USP9X: variants seen among roughly 807,000 people sequenced by gnomAD.
USP9X encodes the protein ubiquitin carboxyl-terminal hydrolase 9X.
A neutral mutation model predicts 190.3 loss-of-function variants in USP9X; 7 were observed. The ratio of observed to expected loss-of-function variants is 0.04; its 90% CI spans 0.02 to 0.07. The LOEUF is 0.07. Among genes scored for constraint, USP9X ranks in the 10% least tolerant of loss-of-function variants. The probability of loss-of-function intolerance (pLI) is 1.00; values close to 1 mark genes in which losing one functional copy is unlikely to be tolerated. For missense variants in USP9X, 1,010 were observed against 1,916.9 expected (o/e 0.53, Z 8.83); for synonymous variants, 645 against 659.5 (o/e 0.98, Z 0.34).
chrX:41,196,710 A>T lies in USP9X; in HGVS notation c.4205A>T (p.Asn1402Ile). ...CCCAATGCTGAAGTTCTTCTCAATA[A>T]TGAAATTGATTGGCTTAAAAGAATT... ...NVPNAEVLLN[N>I]EIDWLKRIRD... Residue 1402 changes from asparagine (N) to isoleucine (I), a missense_variant, in exon 28 of 45, where the codon AAT becomes ATT. Asn to Ile is a moderately radical substitution (Grantham distance 149). Around this residue, in one of 11 missense-constraint regions of USP9X, gnomAD observed 351 missense variants for 480.8 expected, o/e 0.73. Transcript: ENST00000378308. The T allele has an allele frequency of 8.4e-7, 1 of 1,191,790 alleles. No individual in the cohort carries two copies. Among genetic ancestry groups the T allele is most frequent in the Non-Finnish European group, 1.1e-6 (1 of 883,279 alleles).
At chrX:41,229,998 C>G (rs2063345968) in intron 43 of USP9X, 1 of 518,553 alleles carries the variant, frequency 1.9e-6, no homozygotes, top group Non-Finnish European at 2.9e-6. Flanking sequence ...GTCAGGAGTT[C>G]AAGACCAGCC....
chrX:41,128,952 A>C (rs2062282287), intron 2 of USP9X, 48 bp from the exon 3 acceptor site: 1 of 1,159,100 alleles, frequency 8.6e-7, no homozygotes, highest in Admixed American at 2.4e-5. Context: ...TTACTATTTT[A>C]CATATGTTAT....
At chrX:41,135,698 T>A (rs1466389778) in intron 5 of USP9X, among the ~76,000 whole-genome samples, 1 of 111,964 alleles carries the variant, frequency 8.9e-6, no homozygotes, top group Admixed American at 9.5e-5. Context: ...TGGTGCGATC[T>A]CAGCTCACTG....
rs1396216629 is a variant in USP9X, at chrX:41,232,941, A to AG, written c.*417_*418insG. On this transcript the variant is annotated 3_prime_UTR_variant, in exon 45 of 45. Coordinates refer to ENST00000378308, the MANE Select transcript of USP9X (RefSeq NM_001039591.3). ...AGCTCCTTTACAAAAAAGAAAAAAA[A>AG]AAAACCAACAGCAACAAAACAGAGC... 8.8e-6 allele frequency: 1 copy of AG among 113,128 alleles called. No individual in the cohort carries two copies. The highest frequency in any genetic ancestry group is 3.2e-5 in the African/African-American group (1 of 30,822). The allele number at this position is 113,128 out of a possible 1,213,427, so 9.3% of individuals were successfully genotyped here.
At chrX:41,178,129 GCT>G (rs1266610901) in intron 21 of USP9X, among the ~76,000 whole-genome samples, 1 of 48,528 alleles carries the variant, frequency 2.1e-5, no homozygotes, top group African/African-American at 9.6e-5. Context: ...CGGAGATTTT[GCT>G]CTGTTGCCCA....
intron 1 of USP9X, among the ~76,000 whole-genome samples, chrX:41,095,471 A>G (rs2061983193): frequency 8.9e-6 from 1 of 112,167 alleles, no homozygotes; most frequent in Non-Finnish European, 1.9e-5. Flanking sequence ...TATAGCCCCT[A>G]CCCCACTCAT....
In USP9X at chrX:41,125,684, A is replaced by ACACACACACACACTCTCT; in HGVS notation, c.96+1961_96+1962insACACACACACACTCTCTC. 4.8e-3 allele frequency among the ~76,000 whole-genome samples: 92 copies of ACACACACACACACTCTCT among 19,013 alleles called. 2 individuals are homozygous for ACACACACACACACTCTCT. The highest frequency in any genetic ancestry group is 5.9e-3 in the Non-Finnish European group (66 of 11,141). 16.5% of individuals were successfully genotyped at this position (19,013 alleles called of 115,157 possible). The stretch of plus-strand genomic sequence containing the variant: ...CACACACACACACACACACACACAC[A>ACACACACACACACTCTCT]CTCTCTCTCTCTCTCTCTCTCTCTC... On this transcript the variant is annotated intron_variant, in intron 2 of 44. Transcript: ENST00000378308.
chrX:41,210,456 A>C (rs1183139061), intron 32 of USP9X, 53 bp from the exon 33 acceptor site: 5 of 1,152,065 alleles, frequency 4.3e-6, no homozygotes, highest in East Asian at 3.0e-5. Flanking sequence ...ATAGTTGTAC[A>C]TATTGTTCTG....
At chrX:41,208,296 A>AT (rs1457412159) in intron 32 of USP9X, among the ~76,000 whole-genome samples, 1 of 112,539 alleles carries the variant, frequency 8.9e-6, no homozygotes, top group African/African-American at 3.2e-5. Context: ...AAGTGCTGGG[A>AT]TTACAGGCGA....
intron 14 of USP9X, among the ~76,000 whole-genome samples, chrX:41,156,010 T>TG (rs2147088621): frequency 9.0e-6 from 1 of 111,626 alleles, no homozygotes; most frequent in East Asian, 2.8e-4. Context: ...AACTAACAAA[T>TG]GAAGAGTATA....
rs1411024490 is a variant in USP9X, at chrX:41,184,246, A to G, written c.3279+118A>G. ...AGGTGAATGATTTGGGTAAAATTGT[A>G]ATGAAGTAGTTTTGAAATGAAATAT... On this transcript the variant is annotated intron_variant, in intron 22 of 44. Coordinates refer to ENST00000378308, the MANE Select transcript of USP9X (RefSeq NM_001039591.3). The G allele has an allele frequency of 3.0e-6, 3 of 1,000,321 alleles. No homozygotes were observed. The African/African-American group carries it at 5.8e-5, about 19-fold the overall frequency. The allele number at this position is 1,000,321 out of a possible 1,213,427, so 82.4% of individuals were successfully genotyped here.
chrX:41,142,999 C>T (rs2062436023), intron 9 of USP9X, among the ~76,000 whole-genome samples: 1 of 111,613 alleles, frequency 9.0e-6, no homozygotes, highest in African/African-American at 3.3e-5. Context: ...AAAATTGGTC[C>T]TGTACTCACC....
intron 3 of USP9X, among the ~76,000 whole-genome samples, chrX:41,130,950 G>A (rs1174097857): frequency 9.1e-6 from 1 of 109,440 alleles, no homozygotes; most frequent in Non-Finnish European, 1.9e-5. Context: ...GGTCTCGAAC[G>A]CCTGATGTCA....
At chrX:41,223,956 G>T (rs2063288916) in intron 39 of USP9X, among the ~76,000 whole-genome samples, 1 of 110,876 alleles carries the variant, frequency 9.0e-6, no homozygotes, top group Non-Finnish European at 1.9e-5. Flanking sequence ...TAATCCCTAT[G>T]CTTTGGGGGA....
chrX:41,113,929 C>T (rs192194244), intron 1 of USP9X, among the ~76,000 whole-genome samples: 157 of 112,683 alleles, frequency 1.4e-3, no homozygotes, highest in African/African-American at 4.6e-3. Context: ...TGTGGTGCCA[C>T]GTGCAGTTGA....
At position 41,233,480 on chromosome X, in the gene USP9X, T is replaced by C. The variant is rs1385638714; in HGVS notation, c.*956T>C. 8.9e-6 allele frequency: 1 copy of C among 112,536 alleles called. No individual in the cohort carries two copies. Among genetic ancestry groups the C allele is most frequent in the African/African-American group, 3.2e-5 (1 of 30,956 alleles). 9.3% of individuals were successfully genotyped at this position (112,536 alleles called of 1,213,427 possible). On this transcript the variant is annotated 3_prime_UTR_variant, in exon 45 of 45. Transcript: ENST00000378308. The stretch of plus-strand genomic sequence containing the variant: ...GCTATGCCAAGATGCTGGAGCATAA[T>C]ATAAGACTGTATTTGGTGTGCTTGT...
intron 18 of USP9X, among the ~76,000 whole-genome samples, chrX:41,169,210 A>AG (rs1487706618): frequency 9.1e-6 from 1 of 109,817 alleles, no homozygotes; most frequent in Non-Finnish European, 1.9e-5. Context: ...CCTGGGCTCA[A>AG]GGGATCTTCT....
intron 13 of USP9X, among the ~76,000 whole-genome samples, chrX:41,151,809 C>T (rs146558785): frequency 8.9e-6 from 1 of 112,218 alleles, no homozygotes; most frequent in African/African-American, 3.2e-5. Flanking sequence ...GGCGAAACCC[C>T]GTCTCTACTG....
At chrX:41,130,196 A>G (rs1252243718) in intron 3 of USP9X, among the ~76,000 whole-genome samples, 2 of 111,668 alleles carry the variant, frequency 1.8e-5, no homozygotes. Context: ...TCCTATTAAT[A>G]AATTCCATTG....
Sources: gnomAD v4.1 joint callset for allele counts (sites outside exome capture counted in the v4.1 genomes callset) on GRCh38, gnomAD v4.1.1 for gene constraint, gnomAD v4.1.1 regional missense constraint, MANE v1.5 for transcripts, NCBI Gene and HGNC (gene_info 2026-07-23, HGNC 2026-07-21) for gene names.